LINGO2: variants seen among roughly 807,000 people sequenced by gnomAD.
LINGO2 encodes the protein leucine-rich repeat and immunoglobulin-like domain-containing nogo receptor-interacting protein 2.
Under a neutral mutation model 30.6 loss-of-function variants are expected in LINGO2, and 14 were observed. That is an observed-to-expected ratio of 0.46 (90% CI 0.30 to 0.72). The LOEUF (loss-of-function observed/expected upper bound fraction) is 0.72, where lower values mean the gene tolerates loss of function less well. Ranked by LOEUF, LINGO2 falls within the 30% of genes least tolerant of loss-of-function variation. LINGO2 has a pLI of 0.07. For synonymous variants in LINGO2, 317 were observed against 288.5 expected, an observed-to-expected ratio of 1.10 and a Z score of -1.00; for missense variants, 729 against 751.7, an observed-to-expected ratio of 0.97 and a Z score of 0.35.
chr9:28,914,584 C>G, the LINGO2 span, among the ~76,000 whole-genome samples: 2 of 152,042 alleles, frequency 1.3e-5, no homozygotes, highest in African/African-American at 4.8e-5. Context: ...TTCACTTATA[C>G]ATGGATTTTT....
At chr9:28,630,170 C>G (rs978060612) in intron 1 of LINGO2, among the ~76,000 whole-genome samples, 3 of 151,698 alleles carry the variant, frequency 2.0e-5, no homozygotes, top group African/African-American at 7.3e-5. Context: ...ATGTAACTAA[C>G]TTGCACAATG....
chr9:28,527,398 G>A (rs1038796535), intron 1 of LINGO2, among the ~76,000 whole-genome samples: 4 of 152,088 alleles, frequency 2.6e-5, no homozygotes, highest in African/African-American at 9.7e-5. Context: ...GGGATGCAGA[G>A]GTAAAGAAAA....
chr9:28,210,395 G>A (rs924497015), intron 4 of LINGO2, among the ~76,000 whole-genome samples: 2 of 151,416 alleles, frequency 1.3e-5, no homozygotes, highest in African/African-American at 2.4e-5. Flanking sequence ...TCACTTTGAT[G>A]TGATATTAAT....
chr9:28,998,372 A>G, the LINGO2 span, among the ~76,000 whole-genome samples: 1 of 152,164 alleles, frequency 6.6e-6, no homozygotes, highest in Non-Finnish European at 1.5e-5. Flanking sequence ...GATCTGATTC[A>G]ATGCCATGTT....
At chr9:27,973,160 C>A (rs1185096713) in intron 5 of LINGO2, among the ~76,000 whole-genome samples, 11 of 152,090 alleles carry the variant, frequency 7.2e-5, no homozygotes, top group Non-Finnish European at 1.6e-4. Context: ...GACCATAAAT[C>A]TGTGTGTAAG....
intron 3 of LINGO2, among the ~76,000 whole-genome samples, chr9:28,322,315 C>A (rs1825073031): frequency 6.6e-6 from 1 of 152,074 alleles, no homozygotes; most frequent in South Asian, 2.1e-4. Context: ...GACTTCCTAT[C>A]ATATCACACC....
At chr9:28,205,465 A>G (rs1194703645) in intron 4 of LINGO2, among the ~76,000 whole-genome samples, 2 of 152,166 alleles carry the variant, frequency 1.3e-5, no homozygotes, top group African/African-American at 4.8e-5. Context: ...TTTCTTCATA[A>G]TACTTATCAA....
At chr9:28,437,949 A>G (rs1824019646) in intron 2 of LINGO2, among the ~76,000 whole-genome samples, 4 of 152,210 alleles carry the variant, frequency 2.6e-5, no homozygotes, top group Admixed American at 2.6e-4. Flanking sequence ...TATTTCTTAC[A>G]AAGAAAAAGA....
chr9:27,983,442 CA>C (rs1339883639), intron 5 of LINGO2, among the ~76,000 whole-genome samples: 3 of 151,782 alleles, frequency 2.0e-5, no homozygotes, highest in African/African-American at 7.3e-5. Flanking sequence ...AACCCAGATA[CA>C]AGTCATCATC....
At chr9:28,516,875 A>G (rs1375879591) in intron 1 of LINGO2, among the ~76,000 whole-genome samples, 1 of 152,188 alleles carries the variant, frequency 6.6e-6, no homozygotes, top group Admixed American at 6.5e-5. Flanking sequence ...AATATTAAAA[A>G]TGGAAGGTCT....
chr9:28,625,793 T>C (rs2135849481), intron 1 of LINGO2, among the ~76,000 whole-genome samples: 1 of 152,222 alleles, frequency 6.6e-6, no homozygotes, highest in East Asian at 1.9e-4. Flanking sequence ...TATTCTAGTC[T>C]CTCTTAGTCA....
At chr9:28,837,514 G>A in the LINGO2 span, among the ~76,000 whole-genome samples, 5 of 150,820 alleles carry the variant, frequency 3.3e-5, no homozygotes, top group African/African-American at 9.8e-5. Context: ...GGGTGGGGTG[G>A]TGCATGCCTG....
chr9:28,932,315 G>T, the LINGO2 span, among the ~76,000 whole-genome samples: 4 of 151,636 alleles, frequency 2.6e-5, no homozygotes, highest in Non-Finnish European at 4.4e-5. Context: ...AGTTTCCTGG[G>T]CTTATTATTT....
intron 4 of LINGO2, among the ~76,000 whole-genome samples, chr9:28,212,476 T>G (rs1820624887): frequency 6.6e-6 from 1 of 151,460 alleles, no homozygotes; most frequent in Non-Finnish European, 1.5e-5. Flanking sequence ...TTTCTTTCAT[T>G]CTGTTCATGT....
chr9:28,790,325 C>CTTTCTCTTTTTTTT, the LINGO2 span, among the ~76,000 whole-genome samples: 1 of 106,300 alleles, frequency 9.4e-6, no homozygotes, highest in Non-Finnish European at 1.8e-5. Context: ...TCTTTTCTTT[C>CTTTCTCTTTTTTTT]TTTTTTTTTT....
the LINGO2 span, among the ~76,000 whole-genome samples, chr9:28,826,973 G>A: frequency 6.6e-6 from 1 of 152,128 alleles, no homozygotes; most frequent in African/African-American, 2.4e-5. Context: ...TTGGTCTGGA[G>A]AAATTCACTT....
chr9:28,468,467 A>G (rs966868474), intron 2 of LINGO2, among the ~76,000 whole-genome samples: 2 of 152,144 alleles, frequency 1.3e-5, no homozygotes, highest in African/African-American at 4.8e-5. Flanking sequence ...GAGAGAGGGG[A>G]AGTTGCAGGT....
the LINGO2 span, among the ~76,000 whole-genome samples, chr9:28,717,217 T>A: frequency 3.3e-5 from 5 of 151,798 alleles, no homozygotes; most frequent in Non-Finnish European, 1.5e-5. Context: ...AAAGGAGTCA[T>A]TCATATTGGA....
At chr9:28,328,285 A>G (rs2134331933) in intron 3 of LINGO2, among the ~76,000 whole-genome samples, 1 of 152,306 alleles carries the variant, frequency 6.6e-6, no homozygotes. Context: ...AGGTATCCAA[A>G]AAGTAAAAGG....
Sources: allele counts gnomAD v4.1 joint callset (sites outside exome capture counted in the v4.1 genomes callset), GRCh38; gene constraint gnomAD v4.1.1; transcripts MANE v1.5; gene names NCBI Gene and HGNC (gene_info 2026-07-23, HGNC 2026-07-21).